Variants in ATL2 observed in about 807,000 individuals in gnomAD.
ATL2 encodes the protein atlastin GTPase 2, also known as atlastin-2.
A neutral mutation model predicts 73.9 loss-of-function variants in ATL2; 31 were observed. That is an observed-to-expected ratio of 0.42 (90% CI 0.32 to 0.57). The LOEUF is 0.57. Ranked by LOEUF, ATL2 falls within the 20% of genes least tolerant of loss-of-function variation. The pLI is 0.14. For synonymous variants in ATL2, 291 were observed against 237.5 expected (o/e 1.23, Z -2.07); for missense variants, 738 against 702.6 (o/e 1.05, Z -0.57).
At chr2:38,342,675 G>C (rs1426216547) in intron 2 of ATL2, among the ~76,000 whole-genome samples, 1 of 152,102 alleles carries the variant, frequency 6.6e-6, no homozygotes, top group Non-Finnish European at 1.5e-5. Context: ...TCACTGTAAA[G>C]GTGGCCAAAA....
chr2:38,353,713 TAATTATAC>T (rs1225821512), intron 1 of ATL2, among the ~76,000 whole-genome samples: 1 of 152,212 alleles, frequency 6.6e-6, no homozygotes, highest in African/African-American at 2.4e-5. Context: ...AGTTATGTAA[TAATTATAC>T]AATTATACAG....
Position 38,309,635 on chromosome 2 carries a change from T to A in ATL2, c.944-129A>T, listed in dbSNP as rs188539393. 22 of 954,852 alleles carry A rather than the reference T, an allele frequency of 2.3e-5. No homozygotes were observed. The Admixed American group carries it at 2.9e-4, about 13-fold the overall frequency. The allele number at this position is 954,852 out of a possible 1,614,324, so 59.1% of individuals were successfully genotyped here. A position where few individuals can be genotyped will look rare whatever the true frequency, so the allele number is the denominator to read the frequency against. ...CTATTACTGAAGTGGATTCATTTTT[T>A]AAAAAAAAGCTCATCCAACATGCCA... On this transcript the variant is annotated intron_variant, in intron 8 of 12. Transcript: ENST00000378954.
intron 7 of ATL2, among the ~76,000 whole-genome samples, chr2:38,311,330 A>G (rs977908895): frequency 1.3e-5 from 2 of 151,990 alleles, no homozygotes; most frequent in South Asian, 2.1e-4. Flanking sequence ...AAAAAATCTT[A>G]AACTTAGAAA....
intron 1 of ATL2, among the ~76,000 whole-genome samples, chr2:38,360,782 T>C (rs572440977): frequency 4.6e-5 from 7 of 152,140 alleles, no homozygotes; most frequent in Non-Finnish European, 1.0e-4. Context: ...GTGGACCAGA[T>C]TTTTAAAGAA....
intron 1 of ATL2, among the ~76,000 whole-genome samples, chr2:38,353,903 A>G (rs370211152): frequency 6.6e-6 from 1 of 152,174 alleles, no homozygotes; most frequent in African/African-American, 2.4e-5. Flanking sequence ...CAGCAAAAGC[A>G]AAAGTATGGC....
chr2:38,376,805 G>C (rs1189124337), intron 1 of ATL2, among the ~76,000 whole-genome samples: 2 of 151,592 alleles, frequency 1.3e-5, no homozygotes, highest in African/African-American at 4.8e-5. Context: ...CCGGGCAGGC[G>C]GCCACGGCTC....
At chr2:38,376,863 G>C (rs955941628) in intron 1 of ATL2, among the ~76,000 whole-genome samples, 1 of 150,674 alleles carries the variant, frequency 6.6e-6, no homozygotes, top group African/African-American at 2.4e-5. Flanking sequence ...GCCACGCGGC[G>C]GGCTGGCGGG....
rs150004901 is a variant in ATL2, at chr2:38,305,498, G to A, written c.1071+3881C>T. The stretch of plus-strand genomic sequence containing the variant: ...TGGGAGGTAGAGGTTGCAGTGAGCC[G>A]AGACTGCTCCGCTGCACTCCAGCCT... On this transcript the variant is annotated intron_variant, in intron 9 of 12. Transcript: ENST00000378954. Among the ~76,000 whole-genome samples, 30 of 152,168 alleles carry A rather than the reference G, an allele frequency of 2.0e-4. No homozygotes were observed. The East Asian group carries it at 5.8e-3, about 29-fold the overall frequency.
intron 9 of ATL2, among the ~76,000 whole-genome samples, chr2:38,307,815 A>C (rs2148416062): frequency 6.6e-6 from 1 of 152,316 alleles, no homozygotes; most frequent in South Asian, 2.1e-4. Flanking sequence ...ATCTGAACAG[A>C]CATTTCTCAA....
In ATL2 at chr2:38,309,477, G is replaced by A. The variant is rs763899562; in HGVS notation, c.973C>T (p.Arg325Ter). 1 of 1,612,296 alleles carries A rather than the reference G, an allele frequency of 6.2e-7. No homozygotes were observed. Among genetic ancestry groups the A allele is most frequent in the Non-Finnish European group, 8.5e-7 (1 of 1,179,600 alleles). ...GCAAGCAGCAATGGAACCAGATTTC[G>A]AAGCTCTCGTTTAAAGTCTTCATCA... The part of the protein sequence containing the change: ...DIDEDFKREL[R>*]NLVPLLLAPE... The change falls in exon 9 of 13, where the codon CGA (arginine) becomes TGA (stop). Residue 325 changes from arginine to a stop codon, truncating the protein, a stop_gained. Coordinates refer to ENST00000378954, the MANE Select transcript of ATL2 (RefSeq NM_001135673.4). LOFTEE classifies it high-confidence loss of function.
At chr2:38,346,570 G>A (rs1670027084) in intron 1 of ATL2, among the ~76,000 whole-genome samples, 1 of 152,172 alleles carries the variant, frequency 6.6e-6, no homozygotes, top group Non-Finnish European at 1.5e-5. Flanking sequence ...GTGGTTTCAG[G>A]ATAAAACTGT....
chr2:38,309,465 G>A lies in ATL2; in HGVS notation c.985C>T (p.Pro329Ser). ...AAATTTTCAGGGGCAAGCAGCAATG[G>A]AACCAGATTTCGAAGCTCTCGTTTA... ...DFKRELRNLV[P>S]LLLAPENLVE... The change falls in exon 9 of 13, where the codon CCA becomes TCA. Residue 329 changes from proline (P) to serine (S), a missense_variant. By Grantham distance (74) the Pro-to-Ser change is moderately conservative (BLOSUM62 -1). Transcript: ENST00000378954. 1 of 1,612,644 alleles carries A rather than the reference G, an allele frequency of 6.2e-7. No individual in the cohort carries two copies. The highest frequency in any genetic ancestry group is 8.5e-7 in the Non-Finnish European group (1 of 1,179,694).
intron 1 of ATL2, among the ~76,000 whole-genome samples, chr2:38,357,459 AAAG>A (rs1558447979): frequency 6.6e-6 from 1 of 151,790 alleles, no homozygotes; most frequent in African/African-American, 2.4e-5. Flanking sequence ...GAAAAAAAAA[AAAG>A]AAGTAGCATG....
chr2:38,306,778 C>T (rs1231397890), intron 9 of ATL2, among the ~76,000 whole-genome samples: 1 of 152,196 alleles, frequency 6.6e-6, no homozygotes, highest in Non-Finnish European at 1.5e-5. Context: ...AACAGACCCA[C>T]AGCTAGTATC....
chr2:38,301,523 C>T (rs565806950), intron 9 of ATL2, among the ~76,000 whole-genome samples: 20 of 152,352 alleles, frequency 1.3e-4, no homozygotes, highest in African/African-American at 4.8e-4. Context: ...ACCCCTCCCC[C>T]ATCCTCTCAG....
intron 1 of ATL2, among the ~76,000 whole-genome samples, chr2:38,371,972 C>G (rs969635660): frequency 6.6e-6 from 1 of 152,002 alleles, no homozygotes; most frequent in African/African-American, 2.4e-5. Context: ...AAATCCATTT[C>G]AAAAATCATA....
intron 2 of ATL2, among the ~76,000 whole-genome samples, chr2:38,332,904 C>T (rs1001796164): frequency 2.6e-5 from 4 of 152,156 alleles, no homozygotes; most frequent in African/African-American, 7.2e-5. Flanking sequence ...CAAAGAAATT[C>T]TGAAGCCAGG....
Position 38,298,264 on chromosome 2 carries a change from A to G in ATL2, c.1512T>C (p.Cys504=). Residue 504 remains cysteine, a synonymous_variant, in exon 12 of 13, where the codon TGT becomes TGC. Transcript: ENST00000378954. ...FIGLNSIAVL[C]NLVMGLALIF... Reference sequence around the variant, plus strand: ...TCAGTGCTAACCCCATGACAAGGTTACACAAGACAGCTATAGAGTTTAGGC... The same window carrying G: ...TCAGTGCTAACCCCATGACAAGGTTGCACAAGACAGCTATAGAGTTTAGGC... 1.2e-6 allele frequency: 2 copies of G among 1,614,178 alleles called. No individual in the cohort carries two copies. Among genetic ancestry groups the G allele is most frequent in the Non-Finnish European group, 1.7e-6 (2 of 1,179,988 alleles).
chr2:38,364,336 C>G (rs1184726922), intron 1 of ATL2, among the ~76,000 whole-genome samples: 1 of 152,178 alleles, frequency 6.6e-6, no homozygotes, highest in Non-Finnish European at 1.5e-5. Flanking sequence ...AGGAATACCA[C>G]TGACAATTTC....
Sources: allele counts gnomAD v4.1 joint callset (sites outside exome capture counted in the v4.1 genomes callset), GRCh38; gene constraint gnomAD v4.1.1; transcripts MANE v1.5; gene names NCBI Gene and HGNC (gene_info 2026-07-23, HGNC 2026-07-21).